The following IMMP2L variants were observed in gnomAD, a reference collection of about 807,000 sequenced individuals.
IMMP2L encodes mitochondrial inner membrane protease subunit 2.
IMMP2L carries 18 observed loss-of-function variants against 19.3 expected under a neutral mutation model. That is an observed-to-expected ratio of 0.93 (90% CI 0.64 to 1.38). The LOEUF (loss-of-function observed/expected upper bound fraction) is 1.38, where lower values mean the gene tolerates loss of function less well. Ranked by LOEUF, IMMP2L falls within the 40% of genes most tolerant of loss-of-function variation. IMMP2L has a pLI of 0.00. For missense variants in IMMP2L, 233 were observed against 218.2 expected (o/e 1.07, Z -0.43); for synonymous variants, 76 against 73.0 (o/e 1.04, Z -0.21).
At chr7:110,712,167 G>T (rs1023287616) in intron 5 of IMMP2L, among the ~76,000 whole-genome samples, 1 of 135,086 alleles carries the variant, frequency 7.4e-6, no homozygotes, top group Admixed American at 7.9e-5. Flanking sequence ...TTTGATGATG[G>T]TGATGAACAG....
At chr7:110,841,166 CCTTTTTTA>C (rs1320763076) in intron 5 of IMMP2L, among the ~76,000 whole-genome samples, 1 of 151,742 alleles carries the variant, frequency 6.6e-6, no homozygotes, top group African/African-American at 2.4e-5. Context: ...TTCCTTTTTT[CCTTTTTTA>C]TTGTATACAT....
chr7:110,891,944 A>C (rs913687164), intron 4 of IMMP2L, among the ~76,000 whole-genome samples: 5 of 152,202 alleles, frequency 3.3e-5, no homozygotes, highest in Non-Finnish European at 5.9e-5. Context: ...GGAATAGATA[A>C]TATTTGAAGA....
At chr7:111,048,876 T>C (rs528272492) in intron 3 of IMMP2L, among the ~76,000 whole-genome samples, 3 of 152,236 alleles carry the variant, frequency 2.0e-5, no homozygotes, top group Non-Finnish European at 4.4e-5. Context: ...GACACCAAGC[T>C]GGTCGCTGTC....
intron 3 of IMMP2L, among the ~76,000 whole-genome samples, chr7:111,463,141 G>A (rs1459390628): frequency 6.6e-6 from 1 of 151,876 alleles, no homozygotes; most frequent in Non-Finnish European, 1.5e-5. Context: ...CTTGCACATG[G>A]CCATCTTCTG....
intron 5 of IMMP2L, among the ~76,000 whole-genome samples, chr7:110,700,102 G>A (rs887925618): frequency 3.3e-5 from 5 of 152,162 alleles, no homozygotes; most frequent in Admixed American, 1.3e-4. Context: ...GTGAGACACG[G>A]AGCAGAGGAC....
At chr7:111,203,492 A>G (rs1810372500) in intron 3 of IMMP2L, among the ~76,000 whole-genome samples, 1 of 151,960 alleles carries the variant, frequency 6.6e-6, no homozygotes, top group Non-Finnish European at 1.5e-5. Flanking sequence ...TATAAGGCAT[A>G]GGTTTTTAAA....
intron 3 of IMMP2L, among the ~76,000 whole-genome samples, chr7:111,299,440 T>C (rs1196288588): frequency 6.6e-6 from 1 of 152,048 alleles, no homozygotes; most frequent in African/African-American, 2.4e-5. Context: ...ATCAAATAAA[T>C]AATCTTCAAA....
chr7:111,410,045 C>T lies in IMMP2L; in HGVS notation c.239+77193G>A, dbSNP rs991484030. ...GGACATATTAAAGATAAAAAGAACG[C>T]TATGCAGAGATTGGCATAAGAATAC... On this transcript the variant is annotated intron_variant, in intron 3 of 5. Transcript: ENST00000405709. Among the ~76,000 whole-genome samples, 7 of 151,724 alleles carry T rather than the reference C, an allele frequency of 4.6e-5. 1 individual carries two copies. The highest frequency in any genetic ancestry group is 1.7e-4 in the African/African-American group (7 of 41,118).
At chr7:110,969,096 C>G (rs1356704967) in intron 3 of IMMP2L, among the ~76,000 whole-genome samples, 1 of 152,054 alleles carries the variant, frequency 6.6e-6, no homozygotes, top group Non-Finnish European at 1.5e-5. Flanking sequence ...CTAAATATAA[C>G]TGAATCCATA....
chr7:110,877,592 G>C lies in IMMP2L; in HGVS notation c.408+9001C>G, dbSNP rs942213995. Among the ~76,000 whole-genome samples, 4 of 152,252 alleles carry C rather than the reference G, an allele frequency of 2.6e-5. No homozygotes were observed. The highest frequency in any genetic ancestry group is 2.6e-4 in the Admixed American group (4 of 15,278). Reference sequence around the variant, plus strand: ...AAGACGGATCTGGAAAATTTGGCGGGAGACAGGATCAAAAGGGTTTGACTG... The same window carrying C: ...AAGACGGATCTGGAAAATTTGGCGGCAGACAGGATCAAAAGGGTTTGACTG... On this transcript the variant is annotated intron_variant, in intron 5 of 5. Coordinates refer to ENST00000405709, the MANE Select transcript of IMMP2L (RefSeq NM_032549.4). The surrounding 1 kb of genome is among the most constrained non-coding windows in gnomAD (Gnocchi z 4.0).
chr7:111,104,900 G>C (rs147105128), intron 3 of IMMP2L, among the ~76,000 whole-genome samples: 22 of 151,506 alleles, frequency 1.5e-4, no homozygotes, highest in Middle Eastern at 6.8e-3. Flanking sequence ...AGAGAGAAGG[G>C]GACAGTCTCT....
At chr7:110,700,054 T>A (rs1013614334) in intron 5 of IMMP2L, among the ~76,000 whole-genome samples, 7 of 152,140 alleles carry the variant, frequency 4.6e-5, no homozygotes, top group African/African-American at 1.7e-4. Flanking sequence ...AGCCTCTGGA[T>A]AACAACACAG....
intron 5 of IMMP2L, among the ~76,000 whole-genome samples, chr7:110,701,694 G>C (rs1315889611): frequency 1.3e-5 from 2 of 151,998 alleles, no homozygotes; most frequent in Non-Finnish European, 2.9e-5. Context: ...CAAAATGCTG[G>C]AACTACAGGT....
chr7:110,904,721 G>A (rs1360907014), intron 4 of IMMP2L, among the ~76,000 whole-genome samples: 1 of 152,166 alleles, frequency 6.6e-6, no homozygotes, highest in Non-Finnish European at 1.5e-5. Context: ...GCCATAGAAG[G>A]ATCACTAGGA....
At chr7:111,115,640 TTTTTTA>T (rs1799794688) in intron 3 of IMMP2L, among the ~76,000 whole-genome samples, 1 of 151,718 alleles carries the variant, frequency 6.6e-6, no homozygotes, top group African/African-American at 2.4e-5. Flanking sequence ...TTTGCAATTA[TTTTTTA>T]TTTTTATTAT....
rs549009848 is a variant in IMMP2L at position 110,869,736 on chromosome 7, A to T, written c.408+16857T>A. 1.3e-3 allele frequency among the ~76,000 whole-genome samples: 203 copies of T among 152,210 alleles called. 1 individual carries two copies. The highest frequency in any genetic ancestry group is 4.6e-3 in the African/African-American group (192 of 41,562). On this transcript the variant is annotated intron_variant, in intron 5 of 5. Transcript: ENST00000405709. ...CTAAGGTGATTCTAATACACATGAA[A>T]ATTTGGGAAACAGTGCTATAACATT...
At chr7:111,469,518 T>C (rs1479029820) in intron 3 of IMMP2L, among the ~76,000 whole-genome samples, 1 of 152,122 alleles carries the variant, frequency 6.6e-6, no homozygotes, top group Non-Finnish European at 1.5e-5. Flanking sequence ...TTTGAAGCAA[T>C]TGTGAATGGG....
chr7:111,529,882 T>TG (rs1209089566), intron 1 of IMMP2L, among the ~76,000 whole-genome samples: 2 of 152,150 alleles, frequency 1.3e-5, no homozygotes, highest in Admixed American at 1.3e-4. Flanking sequence ...GTACAACTGA[T>TG]GTAGAGAGAA....
intron 3 of IMMP2L, among the ~76,000 whole-genome samples, chr7:111,450,905 G>C (rs960899246): frequency 1.2e-4 from 18 of 151,628 alleles, no homozygotes; most frequent in Non-Finnish European, 2.5e-4. Context: ...CGAGGGACAT[G>C]AACAGGCACT....
Sources: allele counts gnomAD v4.1 joint callset (sites outside exome capture counted in the v4.1 genomes callset), GRCh38; gene constraint gnomAD v4.1.1; non-coding constraint Gnocchi (gnomAD v3.1); transcripts MANE v1.5; gene names NCBI Gene and HGNC (gene_info 2026-07-23, HGNC 2026-07-21).